Variants in ASIC2 observed in about 807,000 individuals in gnomAD.
ASIC2 encodes acid sensing ion channel subunit 2.
A neutral mutation model predicts 57.3 loss-of-function variants in ASIC2; 25 were observed. The observed-to-expected ratio is 0.44, with a 90% CI of 0.32 to 0.61. The LOEUF (loss-of-function observed/expected upper bound fraction) is 0.61. Ranked by LOEUF, ASIC2 falls within the 20% of genes least tolerant of loss-of-function variation. ASIC2 has a pLI of 0.06. For synonymous variants in ASIC2, 319 were observed against 307.5 expected (o/e 1.04, Z -0.39); for missense variants, 641 against 738.1 (o/e 0.87, Z 1.52).
At chr17:34,081,824 T>C (rs1037644871) in intron 1 of ASIC2, among the ~76,000 whole-genome samples, 1 of 152,220 alleles carries the variant, frequency 6.6e-6, no homozygotes. Context: ...CCTCAGTATT[T>C]TTATATATAA....
At chr17:33,310,091 A>T (rs1162018129) in intron 1 of ASIC2, among the ~76,000 whole-genome samples, 2 of 151,690 alleles carry the variant, frequency 1.3e-5, no homozygotes, top group Non-Finnish European at 2.9e-5. Flanking sequence ...TATTATTGTT[A>T]TACCATTATT....
intron 1 of ASIC2, among the ~76,000 whole-genome samples, chr17:33,662,514 TCAGGAGACTGAGG>T (rs1907303301): frequency 6.6e-6 from 1 of 151,486 alleles, no homozygotes; most frequent in African/African-American, 2.4e-5. Context: ...TCCCAGCTAC[TCAGGAGACTGAGG>T]CAGGAGAATT....
intron 1 of ASIC2, among the ~76,000 whole-genome samples, chr17:33,679,517 G>A (rs2142056567): frequency 6.6e-6 from 1 of 152,342 alleles, no homozygotes; most frequent in African/African-American, 2.4e-5. Flanking sequence ...ATGCAGCAGG[G>A]AATAGAGTCA....
intron 1 of ASIC2, among the ~76,000 whole-genome samples, chr17:33,391,148 T>C (rs142984926): frequency 6.6e-6 from 1 of 152,352 alleles, no homozygotes; most frequent in East Asian, 1.9e-4. Context: ...AGAAGTTATC[T>C]TGTCCACTAT....
chr17:33,855,091 G>A lies in ASIC2; in HGVS notation c.555+300887C>T, dbSNP rs1398166680. ...AGCAGAAAGTGTGGCCAAAGGAGAG[G>A]TCTTTAGAGGTTACCAATTGTGCAG... On this transcript the variant is annotated intron_variant, in intron 1 of 9. Coordinates refer to the ASIC2 transcript ENST00000359872. Among the ~76,000 whole-genome samples the A allele has an allele frequency of 2.0e-5, 3 of 152,168 alleles. No individual in the cohort carries two copies. The East Asian group carries it at 5.8e-4, about 29-fold the overall frequency.
chr17:33,717,510 G>C (rs1238924249), intron 1 of ASIC2, among the ~76,000 whole-genome samples: 1 of 152,188 alleles, frequency 6.6e-6, no homozygotes, highest in Non-Finnish European at 1.5e-5. Flanking sequence ...GGGAGCGATG[G>C]GAGGTCATAA....
chr17:33,091,614 T>A (rs182099654), intron 2 of ASIC2, among the ~76,000 whole-genome samples: 9 of 152,268 alleles, frequency 5.9e-5, no homozygotes, highest in African/African-American at 1.9e-4. Context: ...CCTCTCTTAG[T>A]GAGAACCGCC....
intron 1 of ASIC2, among the ~76,000 whole-genome samples, chr17:34,060,476 A>G (rs963133727): frequency 1.3e-5 from 2 of 152,192 alleles, no homozygotes; most frequent in Non-Finnish European, 2.9e-5. Flanking sequence ...TTCACCAGCA[A>G]TGGATCCAAA....
At chr17:34,143,708 A>T (rs1224047530) in intron 1 of ASIC2, among the ~76,000 whole-genome samples, 1 of 152,150 alleles carries the variant, frequency 6.6e-6, no homozygotes, top group African/African-American at 2.4e-5. Context: ...CAAACTTGTG[A>T]ATGAAACTTT....
At chr17:33,535,019 G>A (rs1403054616) in intron 1 of ASIC2, among the ~76,000 whole-genome samples, 2 of 152,312 alleles carry the variant, frequency 1.3e-5, no homozygotes, top group East Asian at 3.9e-4. Context: ...GTAAGTATTA[G>A]GATTGTTCCC....
At chr17:33,373,633 A>G (rs956761873) in intron 1 of ASIC2, among the ~76,000 whole-genome samples, 1 of 152,112 alleles carries the variant, frequency 6.6e-6, no homozygotes, top group Admixed American at 6.5e-5. Flanking sequence ...GACTTCCCCA[A>G]TTGCTCCTGT....
chr17:34,122,308 G>T (rs552974705), intron 1 of ASIC2, among the ~76,000 whole-genome samples: 1 of 152,138 alleles, frequency 6.6e-6, no homozygotes, highest in African/African-American at 2.4e-5. Flanking sequence ...GTGGCAGAAG[G>T]GGCACAAGGG....
chr17:33,510,613 T>C (rs1423877774), intron 1 of ASIC2, among the ~76,000 whole-genome samples: 3 of 152,080 alleles, frequency 2.0e-5, no homozygotes, highest in African/African-American at 4.8e-5. Context: ...GCCTGGGCAA[T>C]AGAGTGAGAT....
intron 3 of ASIC2, among the ~76,000 whole-genome samples, chr17:33,031,407 T>G (rs1567721580): frequency 6.6e-6 from 1 of 152,302 alleles, no homozygotes; most frequent in East Asian, 1.9e-4. Context: ...TTTTCCTTAT[T>G]GTTAATAATT....
chr17:33,798,293 A>C (rs1054728781), intron 1 of ASIC2, among the ~76,000 whole-genome samples: 9 of 152,176 alleles, frequency 5.9e-5, no homozygotes, highest in African/African-American at 1.9e-4. Flanking sequence ...GTTTATGCAG[A>C]GATTCTGGGC....
rs1424342118 is a variant in ASIC2 at position 33,313,126 on chromosome 17, T to TGAGCAATATAG, written c.556-201070_556-201060dup. 5.3e-5 allele frequency among the ~76,000 whole-genome samples: 8 copies of TGAGCAATATAG among 151,956 alleles called. No individual in the cohort carries two copies. The East Asian group carries it at 1.6e-3, about 30-fold the overall frequency. ...AGTTCAAGACCAGCCTGGGCAATGC[T>TGAGCAATATAG]GAGCAATATAGTGAGAGCCCCCATC... On this transcript the variant is annotated intron_variant, in intron 1 of 9. Transcript: ENST00000359872.
chr17:34,103,635 G>A (rs904401048), intron 1 of ASIC2, among the ~76,000 whole-genome samples: 8 of 151,652 alleles, frequency 5.3e-5, no homozygotes, highest in Non-Finnish European at 7.4e-5. Flanking sequence ...TGGTGTGTGT[G>A]GTGTGAGGTC....
chr17:33,396,999 C>A (rs4353517), intron 1 of ASIC2, among the ~76,000 whole-genome samples: 146,030 of 152,292 alleles, frequency 0.96, 70,057 homozygotes, highest in East Asian at 0.98. Context: ...TCATCTTTCA[C>A]GGCCCAGCAC....
chr17:33,578,709 C>A (rs1314090613), intron 1 of ASIC2, among the ~76,000 whole-genome samples: 1 of 152,164 alleles, frequency 6.6e-6, no homozygotes, highest in Non-Finnish European at 1.5e-5. Flanking sequence ...TACAACTGAC[C>A]CGGCTTGACC....
Sources: gnomAD v4.1 joint callset for allele counts (sites outside exome capture counted in the v4.1 genomes callset) on GRCh38, gnomAD v4.1.1 for gene constraint, MANE v1.5 for transcripts, NCBI Gene and HGNC (gene_info 2026-07-23, HGNC 2026-07-21) for gene names.